The following BABAM2 variants were observed in gnomAD, a reference collection of about 807,000 sequenced individuals.
BABAM2 encodes the protein BRISC and BRCA1-A complex member 2.
Under a neutral mutation model 54.7 loss-of-function variants are expected in BABAM2, and 31 were observed. That is an observed-to-expected ratio of 0.57 (90% CI 0.43 to 0.77). The LOEUF (loss-of-function observed/expected upper bound fraction) is 0.77, where lower values mean the gene tolerates loss of function less well. BABAM2 is among the 30% of genes least tolerant of loss of function. BABAM2 has a pLI of 0.00. For synonymous variants in BABAM2, 167 were observed against 162.9 expected (o/e 1.03, Z -0.19); for missense variants, 364 against 455.8 (o/e 0.80, Z 1.83).
In BABAM2 at chr2:27,954,840, T is replaced by G. The variant is rs567816785; in HGVS notation, c.205+24932T>G. ...AAATATGACTCACTATTTGGTGAAC[T>G]CCAAATATTAGTTTTTCTTCTTACC... On this transcript the variant is annotated intron_variant, in intron 3 of 11. Coordinates refer to ENST00000379624, the MANE Select transcript of BABAM2 (RefSeq NM_199191.3). Among the ~76,000 whole-genome samples the G allele has an allele frequency of 3.3e-5, 5 of 152,328 alleles. No homozygotes were observed. The South Asian group carries it at 1.0e-3, about 32-fold the overall frequency.
At chr2:28,066,060 G>A (rs1285592354) in intron 6 of BABAM2, among the ~76,000 whole-genome samples, 2 of 150,890 alleles carry the variant, frequency 1.3e-5, no homozygotes, top group African/African-American at 2.4e-5. Flanking sequence ...TCAGGAGGCC[G>A]AGGTAGGAGA....
intron 7 of BABAM2, among the ~76,000 whole-genome samples, chr2:28,226,397 A>G (rs1183320032): frequency 6.6e-6 from 1 of 152,094 alleles, no homozygotes; most frequent in Non-Finnish European, 1.5e-5. Flanking sequence ...TTTTATATTC[A>G]TTGGACTTTA....
chr2:27,899,887 C>G (rs1416767398), intron 2 of BABAM2, among the ~76,000 whole-genome samples: 1 of 152,192 alleles, frequency 6.6e-6, no homozygotes, highest in East Asian at 1.9e-4. Flanking sequence ...TACCTCTACC[C>G]ACATTCATAA....
intron 3 of BABAM2, among the ~76,000 whole-genome samples, chr2:27,978,934 CTCCAGCTACA>C (rs1298593178): frequency 6.6e-6 from 1 of 152,130 alleles, no homozygotes; most frequent in African/African-American, 2.4e-5. Context: ...GGATAATAGC[CTCCAGCTACA>C]TCCATATTGC....
At chr2:28,086,982 G>T (rs1031541986) in intron 6 of BABAM2, among the ~76,000 whole-genome samples, 4 of 152,082 alleles carry the variant, frequency 2.6e-5, no homozygotes, top group Non-Finnish European at 4.4e-5. Flanking sequence ...TTTGTTCCGG[G>T]AATGCAAAAT....
rs1419731418 is a variant in BABAM2, at chr2:27,944,135, G to T, written c.205+14227G>T. 2.6e-5 allele frequency among the ~76,000 whole-genome samples: 4 copies of T among 152,052 alleles called. 1 individual carries two copies. The South Asian group carries it at 6.2e-4, about 24-fold the overall frequency. ...TAAATTAACTTATTGGGCATTTTATGGTTAGGCTTATTTACATGCATTATT... is the reference window on the plus strand; with the variant it reads ...TAAATTAACTTATTGGGCATTTTATTGTTAGGCTTATTTACATGCATTATT... On this transcript the variant is annotated intron_variant, in intron 3 of 11. Coordinates refer to ENST00000379624, the MANE Select transcript of BABAM2 (RefSeq NM_199191.3).
intron 3 of BABAM2, among the ~76,000 whole-genome samples, chr2:27,977,591 T>C (rs1671692367): frequency 6.6e-6 from 1 of 152,174 alleles, no homozygotes; most frequent in Non-Finnish European, 1.5e-5. Context: ...TAACTTACAA[T>C]GCCATTTATC....
At chr2:28,011,012 T>C (rs1038981592) in intron 4 of BABAM2, among the ~76,000 whole-genome samples, 1 of 152,196 alleles carries the variant, frequency 6.6e-6, no homozygotes, top group African/African-American at 2.4e-5. Flanking sequence ...AACATTGAGC[T>C]AAGTGCATAG....
At chr2:28,100,820 G>A (rs1056633867) in intron 6 of BABAM2, among the ~76,000 whole-genome samples, 2 of 152,250 alleles carry the variant, frequency 1.3e-5, no homozygotes, top group Non-Finnish European at 2.9e-5. Context: ...CAAAGTCAAG[G>A]GCATGTATGT....
chr2:27,919,514 G>C (rs535773708), intron 2 of BABAM2, among the ~76,000 whole-genome samples: 79 of 152,278 alleles, frequency 5.2e-4, no homozygotes, highest in Non-Finnish European at 9.0e-4. Flanking sequence ...CATTAAGGAA[G>C]TTCCCTTTTA....
intron 3 of BABAM2, among the ~76,000 whole-genome samples, chr2:27,979,032 C>CTTT (rs35403760): frequency 2.9e-5 from 4 of 139,880 alleles, no homozygotes; most frequent in African/African-American, 5.3e-5. Flanking sequence ...TTCTTTTTTT[C>CTTT]TTTTTTTTTT....
chr2:28,001,014 G>A (rs1673541376), intron 4 of BABAM2, among the ~76,000 whole-genome samples: 1 of 152,064 alleles, frequency 6.6e-6, no homozygotes, highest in Non-Finnish European at 1.5e-5. Flanking sequence ...CCTTTTTATT[G>A]GAGAAAGGTC....
At chr2:28,106,385 C>G (rs1280055290) in intron 6 of BABAM2, among the ~76,000 whole-genome samples, 2 of 152,210 alleles carry the variant, frequency 1.3e-5, no homozygotes, top group Non-Finnish European at 2.9e-5. Context: ...CCTCCCCTGG[C>G]ATGACCTACC....
chr2:28,337,192 C>G (rs1691542095), intron 11 of BABAM2, among the ~76,000 whole-genome samples: 1 of 151,976 alleles, frequency 6.6e-6, no homozygotes, highest in African/African-American at 2.4e-5. Context: ...GAAGGCAAGC[C>G]TGGTGACCAG....
At chr2:27,905,019 T>G (rs1330343818) in intron 2 of BABAM2, among the ~76,000 whole-genome samples, 1 of 152,262 alleles carries the variant, frequency 6.6e-6, no homozygotes, top group African/African-American at 2.4e-5. Context: ...CTAGATGTTT[T>G]ATCATTTAGC....
chr2:27,963,886 G>C (rs1670657884), intron 3 of BABAM2, among the ~76,000 whole-genome samples: 1 of 152,204 alleles, frequency 6.6e-6, no homozygotes, highest in South Asian at 2.1e-4. Flanking sequence ...TAAAGAGACA[G>C]CTACTGTGAC....
At chr2:27,940,819 G>A (rs181277707) in intron 3 of BABAM2, among the ~76,000 whole-genome samples, 4 of 152,286 alleles carry the variant, frequency 2.6e-5, no homozygotes, top group Admixed American at 2.0e-4. Context: ...GACTAGAACC[G>A]GGAACTGGAA....
chr2:28,199,274 C>T (rs935258916), intron 7 of BABAM2, among the ~76,000 whole-genome samples: 4 of 152,176 alleles, frequency 2.6e-5, no homozygotes, highest in Admixed American at 6.5e-5. Flanking sequence ...TTTGCTCTTT[C>T]GTTACGTGCT....
In BABAM2 at chr2:28,119,255, A is replaced by G. The variant is rs537337697; in HGVS notation, c.571-10016A>G. On this transcript the variant is annotated intron_variant, in intron 6 of 11. Coordinates refer to ENST00000379624, the MANE Select transcript of BABAM2 (RefSeq NM_199191.3). ...AGCTTATCAAATGTATTAAGAGCACACTTAGGGCAGTAGGGGAAACTCCAC... is the reference window on the plus strand; with the variant it reads ...AGCTTATCAAATGTATTAAGAGCACGCTTAGGGCAGTAGGGGAAACTCCAC... Among the ~76,000 whole-genome samples the G allele has an allele frequency of 7.2e-5, 11 of 152,312 alleles. No homozygotes were observed. The South Asian group carries it at 2.3e-3, about 32-fold the overall frequency.
Sources: allele counts gnomAD v4.1 joint callset (sites outside exome capture counted in the v4.1 genomes callset), GRCh38; gene constraint gnomAD v4.1.1; transcripts MANE v1.5; gene names NCBI Gene and HGNC (gene_info 2026-07-23, HGNC 2026-07-21).